SOX6: variants seen among roughly 807,000 people sequenced by gnomAD.
The protein encoded by SOX6 is transcription factor SOX-6.
A neutral mutation model predicts 97.8 loss-of-function variants in SOX6; 11 were observed. The ratio of observed to expected loss-of-function variants is 0.11; its 90% CI spans 0.07 to 0.19. The LOEUF (loss-of-function observed/expected upper bound fraction) is 0.19. SOX6 is among the 10% of genes least tolerant of loss of function. The pLI, the probability that SOX6 is intolerant of heterozygous loss-of-function variation, is 1.00. For missense variants in SOX6, 810 were observed against 1,039.5 expected, an observed-to-expected ratio of 0.78 and a Z score of 3.04; for synonymous variants, 360 against 371.4, an observed-to-expected ratio of 0.97 and a Z score of 0.35.
At chr11:16,290,216 A>T (rs943229350) in intron 3 of SOX6, among the ~76,000 whole-genome samples, 13 of 152,020 alleles carry the variant, frequency 8.6e-5, no homozygotes, top group African/African-American at 3.1e-4. Flanking sequence ...AAGAGCACTA[A>T]AAAATCTGAT....
At chr11:16,366,794 A>T (rs1255484139) in intron 1 of SOX6, among the ~76,000 whole-genome samples, 1 of 152,158 alleles carries the variant, frequency 6.6e-6, no homozygotes. Flanking sequence ...TCCATATCTA[A>T]CAGATACTGT....
chr11:16,270,366 G>A (rs1854214866), intron 3 of SOX6, among the ~76,000 whole-genome samples: 1 of 151,354 alleles, frequency 6.6e-6, no homozygotes, highest in East Asian at 1.9e-4. Flanking sequence ...TAAGGATGTG[G>A]AAAAATTGGA....
At chr11:16,635,166 C>T (rs552045177) in intron 3 of SOX6, among the ~76,000 whole-genome samples, 1 of 152,170 alleles carries the variant, frequency 6.6e-6, no homozygotes, top group East Asian at 1.9e-4. Flanking sequence ...TACTCAAAAA[C>T]GTGGAAGCAA....
At chr11:16,338,192 C>A (rs540895224) in intron 2 of SOX6, among the ~76,000 whole-genome samples, 4 of 152,054 alleles carry the variant, frequency 2.6e-5, no homozygotes, top group African/African-American at 9.6e-5. Context: ...TATTTTTTCA[C>A]AACTATTTTT....
chr11:16,147,864 T>C (rs1372995091), intron 6 of SOX6, among the ~76,000 whole-genome samples: 1 of 152,164 alleles, frequency 6.6e-6, no homozygotes, highest in East Asian at 1.9e-4. Context: ...AGTGTGAAAT[T>C]TAAAACTTAC....
In SOX6 at chr11:16,395,181, C is replaced by T. The variant is rs565536425; in HGVS notation, c.-4-53929G>A. Among the ~76,000 whole-genome samples the T allele has an allele frequency of 1.4e-4, 22 of 151,864 alleles. No individual in the cohort carries two copies. In the South Asian group the frequency reaches 4.2e-3, roughly 29 times the overall value. On this transcript the variant is annotated intron_variant, in intron 1 of 15. Transcript: ENST00000396356. ...ACTGAATGCTTATAATGTGCAAGACCGTGTGTGCTACATGCTAAGTAAAAC... is the reference window on the plus strand; with the variant it reads ...ACTGAATGCTTATAATGTGCAAGACTGTGTGTGCTACATGCTAAGTAAAAC...
chr11:16,088,246 C>T (rs545948939), intron 9 of SOX6, among the ~76,000 whole-genome samples: 27 of 152,092 alleles, frequency 1.8e-4, no homozygotes, highest in Non-Finnish European at 3.2e-4. Context: ...AAACAGCCCC[C>T]ACCTGAGTGG....
chr11:16,324,684 A>G (rs2134313109), intron 2 of SOX6, among the ~76,000 whole-genome samples: 1 of 152,304 alleles, frequency 6.6e-6, no homozygotes, highest in Non-Finnish European at 1.5e-5. Flanking sequence ...TAGTATATCC[A>G]TCACCTTCAT....
At chr11:16,163,544 CA>C (rs1850809779) in intron 6 of SOX6, among the ~76,000 whole-genome samples, 1 of 152,190 alleles carries the variant, frequency 6.6e-6, no homozygotes, top group South Asian at 2.1e-4. Flanking sequence ...GCCAATATCT[CA>C]GGAAAAACAA....
chr11:16,598,704 C>T (rs1313937209), intron 4 of SOX6, among the ~76,000 whole-genome samples: 1 of 151,228 alleles, frequency 6.6e-6, no homozygotes, highest in Non-Finnish European at 1.5e-5. Flanking sequence ...GCTTGTGTGG[C>T]CTTGGAAAGT....
At chr11:16,097,827 T>C (rs1848838254) in intron 7 of SOX6, 139 bp from the exon 8 acceptor site, 4 of 823,346 alleles carry the variant, frequency 4.9e-6, no homozygotes, top group African/African-American at 3.4e-5. Context: ...AAAGGCTTAG[T>C]TGGGCACAGA....
chr11:16,251,012 C>T (rs985139694), intron 3 of SOX6, among the ~76,000 whole-genome samples: 1 of 151,990 alleles, frequency 6.6e-6, no homozygotes, highest in South Asian at 2.1e-4. Context: ...AGAAATATAA[C>T]TAGAAAGTCC....
At position 16,633,574 on chromosome 11, in the gene SOX6, CT is replaced by C. The variant is rs1162696235; in HGVS notation, n.430-21315del. Reference sequence around the variant, plus strand: ...TAAGTGAGTTTCCCACTTTGTGTGGCTTTGTCTTGAAGGCAGCCACAGACCC... The same window carrying C: ...TAAGTGAGTTTCCCACTTTGTGTGGCTTGTCTTGAAGGCAGCCACAGACCC... On this transcript the variant is annotated intron_variant and non_coding_transcript_variant, in intron 3 of 5. Transcript: ENST00000524520. 5.9e-5 allele frequency among the ~76,000 whole-genome samples: 9 copies of C among 152,290 alleles called. No homozygotes were observed. The East Asian group carries it at 1.7e-3, about 29-fold the overall frequency.
chr11:16,679,667 T>C (rs1393633104), intron 3 of SOX6, among the ~76,000 whole-genome samples: 1 of 152,192 alleles, frequency 6.6e-6, no homozygotes, highest in Non-Finnish European at 1.5e-5. Context: ...AACAAACTTC[T>C]CTGAGCTTAA....
chr11:16,418,885 C>CT (rs1177600991), intron 1 of SOX6, among the ~76,000 whole-genome samples: 1 of 152,114 alleles, frequency 6.6e-6, no homozygotes, highest in Non-Finnish European at 1.5e-5. Flanking sequence ...AAACAAATGC[C>CT]TTTTTTCACT....
intron 13 of SOX6, among the ~76,000 whole-genome samples, chr11:16,000,713 A>G (rs1854378764): frequency 1.3e-5 from 2 of 148,658 alleles, no homozygotes; most frequent in Non-Finnish European, 1.5e-5. Flanking sequence ...AGAGAGGATG[A>G]CAGTGTGTGT....
rs893736862 is a variant in SOX6 at position 16,402,603 on chromosome 11, G to T, written c.-4-61351C>A. 5.3e-6 allele frequency: 8 copies of T among 1,520,692 alleles called. No homozygotes were observed. The Admixed American group carries it at 6.7e-5, about 13-fold the overall frequency. The allele number at this position is 1,520,692 out of a possible 1,614,324, so 94.2% of individuals were successfully genotyped here. A position where few individuals can be genotyped will look rare whatever the true frequency, so the allele number is the denominator to read the frequency against. ...ACAAAGAAATATCGCTTTGTTTAAT[G>T]AAAGCAGACTGAAGTTACCCTTTCA... On this transcript the variant is annotated intron_variant, in intron 1 of 15. Transcript: ENST00000396356.
At chr11:16,251,708 A>G (rs1439505166) in intron 3 of SOX6, among the ~76,000 whole-genome samples, 1 of 152,150 alleles carries the variant, frequency 6.6e-6, no homozygotes, top group East Asian at 1.9e-4. Context: ...AACACTATCC[A>G]ACTCATGTTA....
In SOX6 at chr11:16,494,177, G is replaced by A. The variant is rs995390425; in HGVS notation, n.610-17789C>T. On this transcript the variant is annotated intron_variant and non_coding_transcript_variant, in intron 4 of 5. Transcript: ENST00000524520. ...GATCACTAGAGGTCAGGGAGTTCAAGACCAGCCTGGCCAACATGGTGAAAC... is the reference window on the plus strand; with the variant it reads ...GATCACTAGAGGTCAGGGAGTTCAAAACCAGCCTGGCCAACATGGTGAAAC... Among the ~76,000 whole-genome samples the A allele has an allele frequency of 8.5e-5, 13 of 152,166 alleles. No individual in the cohort carries two copies. In the East Asian group the frequency reaches 2.1e-3, roughly 25 times the overall value.
Sources: gnomAD v4.1 joint callset for allele counts (sites outside exome capture counted in the v4.1 genomes callset) on GRCh38, gnomAD v4.1.1 for gene constraint, MANE v1.5 for transcripts, NCBI Gene and HGNC (gene_info 2026-07-23, HGNC 2026-07-21) for gene names.